THSD7B: variants seen among roughly 807,000 people sequenced by gnomAD.
THSD7B encodes thrombospondin type-1 domain-containing protein 7B.
Under a neutral mutation model 213.6 loss-of-function variants are expected in THSD7B, and 138 were observed. The observed-to-expected ratio is 0.65, with a 90% CI of 0.56 to 0.74. The LOEUF is 0.74. Among genes scored for constraint, THSD7B ranks in the 30% least tolerant of loss-of-function variants. The pLI is 0.00. For missense variants in THSD7B, 1,931 were observed against 1,991.5 expected (o/e 0.97, Z 0.58); for synonymous variants, 742 against 687.0 (o/e 1.08, Z -1.25).
At chr2:137,592,260 G>A (rs1226396904) in intron 17 of THSD7B, among the ~76,000 whole-genome samples, 1 of 151,674 alleles carries the variant, frequency 6.6e-6, no homozygotes, top group African/African-American at 2.4e-5. Context: ...TATGTAGCTT[G>A]TTATATTTCT....
chr2:137,368,340 TTC>T (rs1685466865), intron 12 of THSD7B, among the ~76,000 whole-genome samples: 1 of 152,094 alleles, frequency 6.6e-6, no homozygotes, highest in African/African-American at 2.4e-5. Flanking sequence ...CTTTTTCCTT[TTC>T]TCTCTTTTTT....
At chr2:137,030,330 A>G (rs1001340341) in intron 2 of THSD7B, among the ~76,000 whole-genome samples, 2 of 152,222 alleles carry the variant, frequency 1.3e-5, no homozygotes, top group Non-Finnish European at 2.9e-5. Context: ...TTTTAAGGAT[A>G]TGGAGTATGA....
At chr2:137,638,224 TC>T (rs1283420256) in intron 20 of THSD7B, among the ~76,000 whole-genome samples, 2 of 152,194 alleles carry the variant, frequency 1.3e-5, no homozygotes, top group East Asian at 1.9e-4. Context: ...GAATTGTATC[TC>T]CCAGAATTCC....
At chr2:136,900,387 G>A (rs1684043238) in intron 2 of THSD7B, among the ~76,000 whole-genome samples, 1 of 152,036 alleles carries the variant, frequency 6.6e-6, no homozygotes, top group African/African-American at 2.4e-5. Flanking sequence ...TTTGAGTTAT[G>A]TGTTGTTATC....
chr2:137,579,606 A>G (rs1377030380), intron 17 of THSD7B, among the ~76,000 whole-genome samples: 1 of 152,204 alleles, frequency 6.6e-6, no homozygotes, highest in Non-Finnish European at 1.5e-5. Context: ...AATTACTGAC[A>G]GATGCACTTT....
At chr2:136,904,456 G>A (rs1684121083) in intron 2 of THSD7B, among the ~76,000 whole-genome samples, 1 of 152,200 alleles carries the variant, frequency 6.6e-6, no homozygotes, top group South Asian at 2.1e-4. Flanking sequence ...TGGGGCTGGT[G>A]CTACAGGAGA....
At chr2:137,404,617 C>G (rs574583973) in intron 12 of THSD7B, among the ~76,000 whole-genome samples, 13 of 148,432 alleles carry the variant, frequency 8.8e-5, no homozygotes, top group Non-Finnish European at 1.5e-4. Context: ...TATATATGAT[C>G]ATATATATGA....
At chr2:137,200,652 A>G (rs1390149682) in intron 7 of THSD7B, among the ~76,000 whole-genome samples, 1 of 151,688 alleles carries the variant, frequency 6.6e-6, no homozygotes, top group Non-Finnish European at 1.5e-5. Context: ...TACTGTAACC[A>G]CTATTTTTTT....
At chr2:137,195,253 C>G (rs867438791) in intron 7 of THSD7B, among the ~76,000 whole-genome samples, 2 of 141,898 alleles carry the variant, frequency 1.4e-5, no homozygotes. Context: ...TATATATATA[C>G]ACACACACAC....
At chr2:137,280,906 AG>A (rs1682992445) in intron 12 of THSD7B, among the ~76,000 whole-genome samples, 1 of 152,140 alleles carries the variant, frequency 6.6e-6, no homozygotes, top group Non-Finnish European at 1.5e-5. Flanking sequence ...TGCTATCCAC[AG>A]TAACTATTTT....
chr2:137,157,265 T>C (rs975262744), intron 5 of THSD7B, among the ~76,000 whole-genome samples: 6 of 152,338 alleles, frequency 3.9e-5, no homozygotes, highest in African/African-American at 9.6e-5. Context: ...TGTGAGCTGG[T>C]GCCCCACAGT....
intron 21 of THSD7B, among the ~76,000 whole-genome samples, chr2:137,647,656 A>C (rs1414074701): frequency 6.6e-6 from 1 of 152,072 alleles, no homozygotes; most frequent in African/African-American, 2.4e-5. Flanking sequence ...ATGACCATTG[A>C]TCAATAAGAA....
chr2:137,427,213 A>G (rs1687078696), intron 14 of THSD7B, among the ~76,000 whole-genome samples: 2 of 152,206 alleles, frequency 1.3e-5, no homozygotes, highest in South Asian at 2.1e-4. Context: ...TGGCTTAGCC[A>G]TTATGGAAAA....
Position 137,271,431 on chromosome 2 carries a change from T to TATATATAATATA in THSD7B, c.2267-1064_2267-1053dup, listed in dbSNP as rs1161941313. Among the ~76,000 whole-genome samples, 217 of 136,852 alleles carry TATATATAATATA rather than the reference T, an allele frequency of 1.6e-3. 5 individuals carry two copies. Among genetic ancestry groups the TATATATAATATA allele is most frequent in the African/African-American group, 5.6e-3 (199 of 35,620 alleles). The allele number at this position is 136,852 out of a possible 152,430, so 89.8% of individuals were successfully genotyped here. ...TGAATTATAATATATAATTATATAA[T>TATATATAATATA]ATATATAATATAATATATAATATAA... On this transcript the variant is annotated intron_variant, in intron 10 of 27. Transcript: ENST00000409968.
intron 2 of THSD7B, among the ~76,000 whole-genome samples, chr2:136,898,923 G>GGGATTAC: frequency 6.6e-6 from 1 of 152,114 alleles, no homozygotes; most frequent in African/African-American, 2.4e-5. Context: ...TTACAGGTGT[G>GGGATTAC]AGCCACTGTG....
chr2:137,286,579 C>G (rs1683187319), intron 12 of THSD7B, among the ~76,000 whole-genome samples: 1 of 151,660 alleles, frequency 6.6e-6, no homozygotes, highest in East Asian at 2.1e-4. Context: ...CATCTACCTA[C>G]ATCAGAAGCA....
chr2:137,190,935 G>GTTCTCT (rs1558952569), intron 7 of THSD7B, among the ~76,000 whole-genome samples: 1 of 152,170 alleles, frequency 6.6e-6, no homozygotes, highest in Admixed American at 6.5e-5. Context: ...TCTCCTTGGG[G>GTTCTCT]CAGACCATTT....
At chr2:137,008,402 A>ATTCAACCC (rs1686157212) in intron 2 of THSD7B, among the ~76,000 whole-genome samples, 1 of 152,208 alleles carries the variant, frequency 6.6e-6, no homozygotes, top group South Asian at 2.1e-4. Flanking sequence ...AAAACAAGTC[A>ATTCAACCC]TTCAACCCTA....
chr2:136,773,276 A>G (rs1681540930), intron 1 of THSD7B, among the ~76,000 whole-genome samples: 2 of 152,098 alleles, frequency 1.3e-5, no homozygotes, highest in South Asian at 4.1e-4. Context: ...CAAAAAACTT[A>G]TGAGGTTGAT....
Sources: gnomAD v4.1 joint callset for allele counts (sites outside exome capture counted in the v4.1 genomes callset) on GRCh38, gnomAD v4.1.1 for gene constraint, MANE v1.5 for transcripts, NCBI Gene and HGNC (gene_info 2026-07-23, HGNC 2026-07-21) for gene names.